Variants in SPMIP6 observed in about 807,000 individuals in gnomAD.
The protein encoded by SPMIP6 is ciliated bronchial epithelial protein 1.
the SPMIP6 span, chr9:34,382,977 C>T: frequency 2.5e-6 from 2 of 806,790 alleles, no homozygotes; most frequent in Non-Finnish European, 4.3e-6. Flanking sequence ...AGCTGACCCT[C>T]ACAGACTGTC....
At chr9:34,389,003 T>C in the SPMIP6 span, among the ~76,000 whole-genome samples, 1 of 147,430 alleles carries the variant, frequency 6.8e-6, no homozygotes, top group African/African-American at 2.5e-5. Flanking sequence ...ACAATCACAG[T>C]TCACTGCAGT....
chr9:34,394,407 G>A, the SPMIP6 span, among the ~76,000 whole-genome samples: 2 of 152,016 alleles, frequency 1.3e-5, no homozygotes, highest in African/African-American at 2.4e-5. Flanking sequence ...CACCCACCTC[G>A]GCCTCCCAAA....
the SPMIP6 span, among the ~76,000 whole-genome samples, chr9:34,386,901 G>A: frequency 3.3e-5 from 5 of 152,238 alleles, no homozygotes; most frequent in Admixed American, 2.6e-4. Context: ...GTATCTGCAG[G>A]CAGCTGGTCT....
At chr9:34,379,587 C>T in the SPMIP6 span, 3 of 1,476,414 alleles carry the variant, frequency 2.0e-6, no homozygotes, top group East Asian at 4.5e-5. This position sits in a 1 kb window ranked among gnomAD's most constrained non-coding sequence, Gnocchi z 4.2. Context: ...CTCCCCCAGC[C>T]CCGCCTCACC....
chr9:34,394,553 G>A, the SPMIP6 span, among the ~76,000 whole-genome samples: 6 of 152,242 alleles, frequency 3.9e-5, no homozygotes, highest in African/African-American at 9.6e-5. Context: ...TAATATGGTG[G>A]TTTGTTTTCT....
At chr9:34,395,568 C>T in the SPMIP6 span, among the ~76,000 whole-genome samples, 1 of 152,146 alleles carries the variant, frequency 6.6e-6, no homozygotes, top group South Asian at 2.1e-4. Flanking sequence ...AATTTCATCT[C>T]TTCCTATGAC....
the SPMIP6 span, chr9:34,381,405 C>T: frequency 6.2e-7 from 1 of 1,614,094 alleles, no homozygotes; most frequent in South Asian, 1.1e-5. This position sits in a 1 kb window ranked among gnomAD's most constrained non-coding sequence, Gnocchi z 4.4. Context: ...GGAGGGCATT[C>T]CAAGGGCATT....
At chr9:34,389,731 G>A in the SPMIP6 span, among the ~76,000 whole-genome samples, 1 of 151,982 alleles carries the variant, frequency 6.6e-6, no homozygotes, top group South Asian at 2.1e-4. Context: ...ATTTATTTAA[G>A]TATTTTTAAA....
the SPMIP6 span, chr9:34,381,517 C>A: frequency 6.2e-7 from 1 of 1,600,160 alleles, no homozygotes; most frequent in Non-Finnish European, 8.5e-7. The surrounding 1 kb of genome is among the most constrained non-coding windows in gnomAD (Gnocchi z 4.4). Flanking sequence ...CCTCCCAGAA[C>A]ACCCAGACCT....
chr9:34,387,257 T>C, the SPMIP6 span, among the ~76,000 whole-genome samples: 1 of 152,042 alleles, frequency 6.6e-6, no homozygotes, highest in Non-Finnish European at 1.5e-5. Flanking sequence ...CACCTTGACT[T>C]CCCAAAGTGC....
At chr9:34,394,566 T>C in the SPMIP6 span, among the ~76,000 whole-genome samples, 1 of 152,196 alleles carries the variant, frequency 6.6e-6, no homozygotes, top group Non-Finnish European at 1.5e-5. Flanking sequence ...TGTTTTCTTT[T>C]ATCTCTTATT....
chr9:34,382,037 A>G, the SPMIP6 span, among the ~76,000 whole-genome samples: 1 of 152,124 alleles, frequency 6.6e-6, no homozygotes. Flanking sequence ...CTCACATCAC[A>G]AAGGAGGAGA....
chr9:34,385,662 C>T, the SPMIP6 span: 12 of 1,609,834 alleles, frequency 7.5e-6, no homozygotes, highest in African/African-American at 1.2e-4. Flanking sequence ...GCCAGTACTT[C>T]TCAGGCAAGT....
the SPMIP6 span, among the ~76,000 whole-genome samples, chr9:34,385,228 G>T: frequency 6.6e-6 from 1 of 151,982 alleles, no homozygotes; most frequent in Non-Finnish European, 1.5e-5. Context: ...TGGAGATAAA[G>T]TTGACATAGA....
the SPMIP6 span, chr9:34,385,691 ACC>A: frequency 6.2e-7 from 1 of 1,613,488 alleles, no homozygotes; most frequent in Non-Finnish European, 8.5e-7. Context: ...CCTGATATGG[ACC>A]CCCTATAAGT....
At chr9:34,380,833 C>T in the SPMIP6 span, 2 of 608,792 alleles carry the variant, frequency 3.3e-6, no homozygotes, top group South Asian at 2.2e-5. Flanking sequence ...TGGAAGGGGG[C>T]GGGGTTCTGG....
chr9:34,385,516 C>T, the SPMIP6 span: 697 of 823,104 alleles, frequency 8.5e-4, 5 homozygotes, highest in African/African-American at 0.015. Flanking sequence ...GACTGGGCAA[C>T]AAGAGCGAAA....
At chr9:34,380,253 A>G in the SPMIP6 span, among the ~76,000 whole-genome samples, 2 of 152,222 alleles carry the variant, frequency 1.3e-5, no homozygotes, top group Non-Finnish European at 2.9e-5. Flanking sequence ...CGCCGCGTGC[A>G]GGACGAATGC....
At chr9:34,382,439 G>C in the SPMIP6 span, among the ~76,000 whole-genome samples, 1 of 152,184 alleles carries the variant, frequency 6.6e-6, no homozygotes, top group Admixed American at 6.5e-5. Context: ...ACAAAAATTA[G>C]CCAGATGTGA....
Sources: allele counts gnomAD v4.1 joint callset (sites outside exome capture counted in the v4.1 genomes callset), GRCh38; gene constraint gnomAD v4.1.1; non-coding constraint Gnocchi (gnomAD v3.1); transcripts MANE v1.5; gene names NCBI Gene and HGNC (gene_info 2026-07-23, HGNC 2026-07-21).